The following LHFPL4 variants were observed in gnomAD, a reference collection of about 807,000 sequenced individuals.
The protein encoded by LHFPL4 is LHFPL tetraspan subfamily member 4, also known as LHFPL tetraspan subfamily member 4 protein.
Under a neutral mutation model 20.0 loss-of-function variants are expected in LHFPL4, and 6 were observed. The ratio of observed to expected loss-of-function variants is 0.30; its 90% CI spans 0.16 to 0.59. The LOEUF (loss-of-function observed/expected upper bound fraction) is 0.59, where lower values mean the gene tolerates loss of function less well. LHFPL4 is among the 20% of genes least tolerant of loss of function. LHFPL4 has a pLI of 0.88. For synonymous variants in LHFPL4, 129 were observed against 143.8 expected (o/e 0.90, Z 0.74); for missense variants, 215 against 331.2 (o/e 0.65, Z 2.72).
intron 2 of LHFPL4, among the ~76,000 whole-genome samples, chr3:9,522,055 T>C (rs2046341127): frequency 6.6e-6 from 1 of 152,176 alleles, no homozygotes; most frequent in Admixed American, 6.5e-5. Context: ...TAAAAAAATT[T>C]TTAAGTAGTT....
At chr3:9,514,864 A>G (rs1348012446) in intron 2 of LHFPL4, among the ~76,000 whole-genome samples, 1 of 152,268 alleles carries the variant, frequency 6.6e-6, no homozygotes. Flanking sequence ...ATAATATTCT[A>G]TATTCTGGAT....
intron 2 of LHFPL4, among the ~76,000 whole-genome samples, chr3:9,508,505 G>A (rs1407824502): frequency 1.3e-5 from 2 of 152,220 alleles, no homozygotes; most frequent in Non-Finnish European, 2.9e-5. Context: ...GAACAGGCCA[G>A]AGCTCAGGGG....
At chr3:9,529,414 G>A (rs2046395606) in intron 2 of LHFPL4, among the ~76,000 whole-genome samples, 1 of 152,076 alleles carries the variant, frequency 6.6e-6, no homozygotes, top group African/African-American at 2.4e-5. Context: ...ATCCAACAGA[G>A]GAACAACTTA....
intron 2 of LHFPL4, among the ~76,000 whole-genome samples, chr3:9,507,087 G>C (rs1472060766): frequency 6.6e-6 from 1 of 152,184 alleles, no homozygotes; most frequent in African/African-American, 2.4e-5. Flanking sequence ...CGCTGAACCT[G>C]AACAGGCCTG....
chr3:9,518,558 G>T (rs2046317882), intron 2 of LHFPL4, among the ~76,000 whole-genome samples: 1 of 152,104 alleles, frequency 6.6e-6, no homozygotes. Context: ...CTTTTGGAAG[G>T]TTATTGATTA....
intron 2 of LHFPL4, among the ~76,000 whole-genome samples, chr3:9,530,710 ACACACCTTCCT>A (rs2046403466): frequency 6.9e-6 from 1 of 145,660 alleles, no homozygotes; most frequent in Non-Finnish European, 1.6e-5. Context: ...CTCAGTTTTG[ACACACCTTCCT>A]CACTACTTCA....
At chr3:9,542,668 G>A (rs1430468796) in intron 2 of LHFPL4, among the ~76,000 whole-genome samples, 1 of 151,908 alleles carries the variant, frequency 6.6e-6, no homozygotes, top group African/African-American at 2.4e-5. Flanking sequence ...AATTAGCCGG[G>A]CATGGTGACA....
In LHFPL4 at chr3:9,543,729, G is replaced by GTTTTTT. The variant is rs58872967; in HGVS notation, c.406+8539_406+8544dup. ...GGTGATTTGTTTGTTTTTGGTTTTG[G>GTTTTTT]TTTTTTTTTTTTTTTTTTTGAGTCA... On this transcript the variant is annotated intron_variant, in intron 2 of 3. Transcript: ENST00000287585. Among the ~76,000 whole-genome samples the GTTTTTT allele has an allele frequency of 2.0e-4, 24 of 119,654 alleles. 3 individuals carry two copies. The highest frequency in any genetic ancestry group is 3.2e-4 in the African/African-American group (10 of 31,640). 78.5% of individuals were successfully genotyped at this position (119,654 alleles called of 152,430 possible). A position where few individuals can be genotyped will look rare whatever the true frequency, so the allele number is the denominator to read the frequency against.
At chr3:9,547,862 G>A (rs185673212) in intron 2 of LHFPL4, among the ~76,000 whole-genome samples, 16 of 152,188 alleles carry the variant, frequency 1.1e-4, no homozygotes, top group African/African-American at 3.9e-4. Context: ...CTGGAGTGCA[G>A]TGGCATGATC....
chr3:9,509,495 G>C (rs372479132), intron 2 of LHFPL4, among the ~76,000 whole-genome samples: 7 of 152,160 alleles, frequency 4.6e-5, no homozygotes, highest in Admixed American at 1.3e-4. Flanking sequence ...GCAGTGTGCC[G>C]GGGACAGCAG....
chr3:9,540,570 A>G (rs573268169), intron 2 of LHFPL4, among the ~76,000 whole-genome samples: 3 of 152,220 alleles, frequency 2.0e-5, no homozygotes, highest in African/African-American at 4.8e-5. Flanking sequence ...ACACTTTCTG[A>G]TTTCAAACTG....
At chr3:9,523,040 C>CA (rs751625372) in intron 2 of LHFPL4, among the ~76,000 whole-genome samples, 25 of 77,336 alleles carry the variant, frequency 3.2e-4, no homozygotes, top group South Asian at 5.1e-4. Context: ...GACTCCGTCT[C>CA]AAAAAAAAAA....
At chr3:9,544,574 G>A (rs998669725) in intron 2 of LHFPL4, among the ~76,000 whole-genome samples, 3 of 152,136 alleles carry the variant, frequency 2.0e-5, no homozygotes, top group East Asian at 1.9e-4. Flanking sequence ...GCAGTGAGCC[G>A]AGATCAGACC....
chr3:9,533,600 A>G (rs906084402), intron 2 of LHFPL4, among the ~76,000 whole-genome samples: 3 of 152,094 alleles, frequency 2.0e-5, no homozygotes, highest in South Asian at 2.1e-4. Context: ...GGCTAACATG[A>G]TGAAACCCCG....
chr3:9,545,845 G>A (rs184823568), intron 2 of LHFPL4, among the ~76,000 whole-genome samples: 3 of 152,214 alleles, frequency 2.0e-5, no homozygotes, highest in African/African-American at 7.2e-5. Flanking sequence ...GGAGCCCAGG[G>A]TTACAGTAAG....
Position 9,502,164 on chromosome 3 carries a change from A to G in LHFPL4, c.*47T>C, listed in dbSNP as rs1318004730. On this transcript the variant is annotated 3_prime_UTR_variant, in exon 4 of 4. Transcript: ENST00000287585. ...ATGGAGTGACGAGAGGGCAGAAGGC[A>G]GGACAAGCTGAGGTCAGGCCAATTA... The G allele has an allele frequency of 7.4e-7, 1 of 1,357,626 alleles. No homozygotes were observed. Among genetic ancestry groups the G allele is most frequent in the East Asian group, 2.3e-5 (1 of 43,672 alleles). 84.1% of individuals were successfully genotyped at this position (1,357,626 alleles called of 1,614,324 possible).
At chr3:9,520,356 G>GTTGT (rs2046329782) in intron 2 of LHFPL4, among the ~76,000 whole-genome samples, 1 of 151,836 alleles carries the variant, frequency 6.6e-6, no homozygotes, top group African/African-American at 2.4e-5. Flanking sequence ...TGTTGTTGTT[G>GTTGT]TTGTTTGTTT....
At chr3:9,545,949 A>T (rs989833820) in intron 2 of LHFPL4, among the ~76,000 whole-genome samples, 2 of 151,900 alleles carry the variant, frequency 1.3e-5, no homozygotes, top group Non-Finnish European at 2.9e-5. Context: ...AGAAATGTAG[A>T]TGAATATTCT....
At chr3:9,531,569 G>A (rs890797968) in intron 2 of LHFPL4, among the ~76,000 whole-genome samples, 4 of 152,168 alleles carry the variant, frequency 2.6e-5, no homozygotes, top group East Asian at 1.9e-4. Context: ...TTGGGAGGCC[G>A]AGGCGGGTGG....
Sources: gnomAD v4.1 joint callset for allele counts (sites outside exome capture counted in the v4.1 genomes callset) on GRCh38, gnomAD v4.1.1 for gene constraint, MANE v1.5 for transcripts, NCBI Gene and HGNC (gene_info 2026-07-23, HGNC 2026-07-21) for gene names.